The following SEMA3A variants were observed in gnomAD, a reference collection of about 807,000 sequenced individuals.
SEMA3A encodes semaphorin-3A.
SEMA3A carries 29 observed loss-of-function variants against 97.9 expected under a neutral mutation model. The observed-to-expected ratio is 0.30, with a 90% confidence interval of 0.22 to 0.40. SEMA3A has a LOEUF of 0.40. SEMA3A is among the 10% of genes least tolerant of loss of function. SEMA3A has a pLI of 1.00. For synonymous variants in SEMA3A, 321 were observed against 323.7 expected (o/e 0.99, Z 0.09); for missense variants, 763 against 951.3 (o/e 0.80, Z 2.60).
At chr7:83,988,535 A>G (rs1309583023) in intron 12 of SEMA3A, among the ~76,000 whole-genome samples, 1 of 152,082 alleles carries the variant, frequency 6.6e-6, no homozygotes, top group African/African-American at 2.4e-5. Context: ...GCAGATCTCT[A>G]CTTCAAACCC....
At chr7:83,997,150 A>G (rs1371003775) in intron 12 of SEMA3A, among the ~76,000 whole-genome samples, 2 of 152,194 alleles carry the variant, frequency 1.3e-5, no homozygotes, top group Non-Finnish European at 2.9e-5. Flanking sequence ...CATGAAGATG[A>G]TAATATGGTA....
At chr7:84,369,934 C>T (rs1802936278) in intron 2 of SEMA3A, among the ~76,000 whole-genome samples, 1 of 150,386 alleles carries the variant, frequency 6.6e-6, no homozygotes, top group African/African-American at 2.4e-5. Context: ...GAGGCTGGAC[C>T]TGTTATTTAA....
intron 12 of SEMA3A, among the ~76,000 whole-genome samples, chr7:84,001,487 CAA>C (rs1790449638): frequency 6.6e-6 from 1 of 151,842 alleles, no homozygotes. Flanking sequence ...TTTTTGCTAA[CAA>C]ATGATTTCTT....
At chr7:84,348,281 A>T (rs569882770) in intron 2 of SEMA3A, among the ~76,000 whole-genome samples, 1 of 152,320 alleles carries the variant, frequency 6.6e-6, no homozygotes, top group East Asian at 1.9e-4. Context: ...TAGAAATAAT[A>T]TATATGAGAA....
intron 3 of SEMA3A, among the ~76,000 whole-genome samples, chr7:84,246,306 A>T (rs1272406852): frequency 8.5e-5 from 13 of 152,248 alleles, no homozygotes; most frequent in Admixed American, 8.5e-4. Context: ...CTGCGCCAGA[A>T]AATTAAAACA....
chr7:84,342,710 A>G (rs1217199520), intron 2 of SEMA3A, among the ~76,000 whole-genome samples: 1 of 152,220 alleles, frequency 6.6e-6, no homozygotes, highest in African/African-American at 2.4e-5. Context: ...ATTAGTTGCT[A>G]ATAGTATTCT....
At chr7:84,399,761 A>T (rs547085998) in intron 1 of SEMA3A, among the ~76,000 whole-genome samples, 1 of 152,272 alleles carries the variant, frequency 6.6e-6, no homozygotes, top group Non-Finnish European at 1.5e-5. Flanking sequence ...GCCTTGAATA[A>T]ACATTGGTGG....
chr7:83,970,338 A>C (rs902016772), intron 15 of SEMA3A, among the ~76,000 whole-genome samples: 1 of 152,196 alleles, frequency 6.6e-6, no homozygotes, highest in Admixed American at 6.5e-5. Context: ...TTGTAACAAC[A>C]AAAAAGTCAT....
At chr7:83,990,916 A>G (rs994392617) in intron 12 of SEMA3A, among the ~76,000 whole-genome samples, 4 of 152,058 alleles carry the variant, frequency 2.6e-5, no homozygotes, top group Non-Finnish European at 4.4e-5. Flanking sequence ...GGGCAGTATG[A>G]CCATTTTCAC....
intron 3 of SEMA3A, among the ~76,000 whole-genome samples, chr7:84,276,186 C>A (rs551175643): frequency 1.3e-5 from 2 of 151,954 alleles, no homozygotes; most frequent in African/African-American, 4.8e-5. Context: ...CTATACTGAA[C>A]CAGGCAAAAC....
chr7:84,158,102 C>A (rs774339241), intron 1 of SEMA3A, among the ~76,000 whole-genome samples: 1 of 147,236 alleles, frequency 6.8e-6, no homozygotes, highest in Non-Finnish European at 1.5e-5. Flanking sequence ...TATACCTTTT[C>A]TTCCCTTTGC....
At chr7:84,100,955 G>A (rs894075637) in intron 4 of SEMA3A, among the ~76,000 whole-genome samples, 3 of 152,104 alleles carry the variant, frequency 2.0e-5, no homozygotes, top group Non-Finnish European at 2.9e-5. Flanking sequence ...ATTACCTCAT[G>A]CTGATTCTCA....
chr7:84,064,251 A>G (rs1432563401), intron 4 of SEMA3A, among the ~76,000 whole-genome samples: 2 of 152,100 alleles, frequency 1.3e-5, no homozygotes, highest in Non-Finnish European at 2.9e-5. Flanking sequence ...GCCTGCCCTA[A>G]AAGAGCTCCT....
chr7:84,481,553 T>G (rs1158054315), intron 1 of SEMA3A, among the ~76,000 whole-genome samples: 2 of 152,204 alleles, frequency 1.3e-5, no homozygotes, highest in East Asian at 3.8e-4. Flanking sequence ...ATTTATATCT[T>G]TGATTTCAAA....
intron 6 of SEMA3A, among the ~76,000 whole-genome samples, chr7:84,045,500 A>C (rs1278097748): frequency 1.3e-5 from 2 of 151,708 alleles, no homozygotes; most frequent in Non-Finnish European, 2.9e-5. Context: ...TTTTTGGTAA[A>C]TGTGTAAATA....
rs559449279 is a variant in SEMA3A at position 84,471,342 on chromosome 7, T to C, written c.-246+21118A>G. Among the ~76,000 whole-genome samples the C allele has an allele frequency of 2.9e-4, 44 of 152,264 alleles. 1 individual carries two copies. Among genetic ancestry groups the C allele is most frequent in the African/African-American group, 9.9e-4 (41 of 41,582 alleles). On this transcript the variant is annotated intron_variant, in intron 1 of 3. Transcript: ENST00000424555. Reference sequence around the variant, plus strand: ...GGCTGACAATTTTTCTGATTCATCATATTTATATTTCACTTATTAAACAGA... The same window carrying C: ...GGCTGACAATTTTTCTGATTCATCACATTTATATTTCACTTATTAAACAGA...
chr7:84,324,368 A>G (rs1331661581), intron 2 of SEMA3A, among the ~76,000 whole-genome samples: 4 of 152,176 alleles, frequency 2.6e-5, no homozygotes, highest in Non-Finnish European at 4.4e-5. Flanking sequence ...ATTACTCAAC[A>G]TTTCTATTAG....
intron 1 of SEMA3A, among the ~76,000 whole-genome samples, chr7:84,463,534 C>T (rs142977471): frequency 4.9e-4 from 75 of 152,178 alleles, no homozygotes; most frequent in African/African-American, 1.8e-3. Context: ...AGGCGTGAGC[C>T]ACCGCGCCTG....
chr7:84,361,510 T>G (rs1222079240), intron 2 of SEMA3A, among the ~76,000 whole-genome samples: 2 of 152,044 alleles, frequency 1.3e-5, no homozygotes, highest in Admixed American at 1.3e-4. Flanking sequence ...ATATCTATCC[T>G]TATCGAACAT....
Sources: gnomAD v4.1 joint callset for allele counts (sites outside exome capture counted in the v4.1 genomes callset) on GRCh38, gnomAD v4.1.1 for gene constraint, MANE v1.5 for transcripts, NCBI Gene and HGNC (gene_info 2026-07-23, HGNC 2026-07-21) for gene names.